The following HPSE2 variants were observed in gnomAD, a reference collection of about 807,000 sequenced individuals.
HPSE2 encodes the protein inactive heparanase-2.
Under a neutral mutation model 60.5 loss-of-function variants are expected in HPSE2, and 38 were observed. The observed-to-expected ratio is 0.63, with a 90% CI of 0.48 to 0.82. HPSE2 has a LOEUF of 0.82. HPSE2 is among the 40% of genes least tolerant of loss of function. The pLI is 0.00. For missense variants in HPSE2, 713 were observed against 740.4 expected, an observed-to-expected ratio of 0.96 and a Z score of 0.43; for synonymous variants, 295 against 293.2, an observed-to-expected ratio of 1.01 and a Z score of -0.06.
At chr10:98,543,483 A>C (rs1335291727) in intron 9 of HPSE2, among the ~76,000 whole-genome samples, 1 of 152,184 alleles carries the variant, frequency 6.6e-6, no homozygotes, top group Non-Finnish European at 1.5e-5. Flanking sequence ...TAACAATATT[A>C]ACTTTAAATG....
At chr10:98,989,716 GA>G (rs1452532327) in intron 3 of HPSE2, among the ~76,000 whole-genome samples, 1 of 151,970 alleles carries the variant, frequency 6.6e-6, no homozygotes, top group Non-Finnish European at 1.5e-5. Context: ...TCCATGTGGC[GA>G]AGCAGTTTTG....
chr10:99,182,991 T>C (rs1433056033), intron 2 of HPSE2, among the ~76,000 whole-genome samples: 1 of 151,360 alleles, frequency 6.6e-6, no homozygotes, highest in African/African-American at 2.4e-5. Context: ...AAAAAACAAA[T>C]CAAAATACAT....
At chr10:99,275,542 T>C in the HPSE2 span, among the ~76,000 whole-genome samples, 233 of 150,822 alleles carry the variant, frequency 1.5e-3, 3 homozygotes, top group African/African-American at 5.5e-3. Flanking sequence ...CCTTCTTAAG[T>C]ATTACCTGCT....
rs571882703 is a variant in HPSE2 at position 98,979,099 on chromosome 10, C to T, written c.610+165139G>A. 8.5e-5 allele frequency among the ~76,000 whole-genome samples: 13 copies of T among 152,180 alleles called. No homozygotes were observed. The East Asian group carries it at 2.5e-3, about 29-fold the overall frequency. ...TTCCAAGCACAGTGCTTAAGTGTTGCCAAGTGTTTCTAAGTGCAAGAAGGC... is the reference window on the plus strand; with the variant it reads ...TTCCAAGCACAGTGCTTAAGTGTTGTCAAGTGTTTCTAAGTGCAAGAAGGC... On this transcript the variant is annotated intron_variant, in intron 3 of 11. Transcript: ENST00000370552.
intron 3 of HPSE2, among the ~76,000 whole-genome samples, chr10:98,797,670 C>T (rs545048319): frequency 9.3e-4 from 141 of 151,828 alleles, no homozygotes; most frequent in Admixed American, 1.2e-3. Context: ...GGTGAAACCC[C>T]GTCTCTACTA....
chr10:99,074,212 G>A (rs559309800), intron 3 of HPSE2, among the ~76,000 whole-genome samples: 1 of 152,164 alleles, frequency 6.6e-6, no homozygotes, highest in African/African-American at 2.4e-5. Context: ...TGGCCATTAT[G>A]TTGAGGTAAT....
intron 9 of HPSE2, among the ~76,000 whole-genome samples, chr10:98,602,169 A>G (rs11189709): frequency 0.41 from 63,027 of 152,044 alleles, 15,708 homozygotes; most frequent in Admixed American, 0.53. Context: ...ATTATTTGGA[A>G]GCAAACAGTG....
At chr10:98,538,200 C>A (rs1056261018) in intron 9 of HPSE2, among the ~76,000 whole-genome samples, 12 of 152,136 alleles carry the variant, frequency 7.9e-5, no homozygotes, top group African/African-American at 2.9e-4. Context: ...TCCCCCGGGC[C>A]CAGCTGTTTT....
intron 9 of HPSE2, among the ~76,000 whole-genome samples, chr10:98,601,774 A>C (rs1471253011): frequency 6.6e-6 from 1 of 152,082 alleles, no homozygotes. Flanking sequence ...CATGTGTAGC[A>C]TAAATTTGGG....
intron 8 of HPSE2, among the ~76,000 whole-genome samples, chr10:98,615,675 A>G (rs1237959978): frequency 6.6e-6 from 1 of 152,044 alleles, no homozygotes; most frequent in Non-Finnish European, 1.5e-5. Context: ...CCAAACACCT[A>G]TTTTCCAGGG....
intron 3 of HPSE2, among the ~76,000 whole-genome samples, chr10:98,870,943 A>AT (rs1254869617): frequency 0.039 from 381 of 9,698 alleles, 1 homozygote; most frequent in Middle Eastern, 0.25. Context: ...TCTTTAAATT[A>AT]TTAAAAAAAA....
At chr10:99,061,018 T>C (rs1958231079) in intron 3 of HPSE2, among the ~76,000 whole-genome samples, 2 of 151,920 alleles carry the variant, frequency 1.3e-5, no homozygotes, top group Admixed American at 6.6e-5. Flanking sequence ...TTTAAAAAAG[T>C]TTAAGCTCAC....
intron 3 of HPSE2, among the ~76,000 whole-genome samples, chr10:98,856,440 C>T (rs1952317196): frequency 6.6e-6 from 1 of 152,054 alleles, no homozygotes; most frequent in South Asian, 2.1e-4. Flanking sequence ...TATATTCAAA[C>T]TTACATTCTG....
intron 3 of HPSE2, among the ~76,000 whole-genome samples, chr10:98,926,041 T>C (rs979851039): frequency 1.3e-5 from 2 of 152,142 alleles, no homozygotes; most frequent in Admixed American, 6.5e-5. Context: ...GGGGAAAGTA[T>C]ATTTACTCTG....
intron 9 of HPSE2, among the ~76,000 whole-genome samples, chr10:98,606,975 G>A (rs956991978): frequency 1.3e-5 from 2 of 151,910 alleles, no homozygotes; most frequent in African/African-American, 4.8e-5. Context: ...TTGTCATATC[G>A]TGGCATTCAC....
chr10:98,870,736 T>C (rs1163272234), intron 3 of HPSE2, among the ~76,000 whole-genome samples: 1 of 151,990 alleles, frequency 6.6e-6, no homozygotes, highest in Non-Finnish European at 1.5e-5. Flanking sequence ...TTTGAAAAAT[T>C]GTTGTCATGA....
chr10:98,673,374 T>C (rs1947555588), intron 6 of HPSE2, among the ~76,000 whole-genome samples: 1 of 152,130 alleles, frequency 6.6e-6, no homozygotes, highest in Non-Finnish European at 1.5e-5. Flanking sequence ...TCTTTGCTCA[T>C]AAAAAAAGAC....
chr10:98,518,800 T>C (rs1942689633), intron 9 of HPSE2, among the ~76,000 whole-genome samples: 1 of 152,156 alleles, frequency 6.6e-6, no homozygotes, highest in African/African-American at 2.4e-5. Flanking sequence ...ATCGGCCCAG[T>C]TCCTGGTGAG....
intron 3 of HPSE2, among the ~76,000 whole-genome samples, chr10:98,850,103 G>T: frequency 6.6e-6 from 1 of 152,064 alleles, no homozygotes; most frequent in Non-Finnish European, 1.5e-5. Flanking sequence ...ATTCTTACTT[G>T]GCTTATGAAA....
Sources: allele counts gnomAD v4.1 joint callset (sites outside exome capture counted in the v4.1 genomes callset), GRCh38; gene constraint gnomAD v4.1.1; transcripts MANE v1.5; gene names NCBI Gene and HGNC (gene_info 2026-07-23, HGNC 2026-07-21).